The following ACACB variants were observed in gnomAD, a reference collection of about 807,000 sequenced individuals.
ACACB encodes the protein acetyl-CoA carboxylase beta.
ACACB carries 209 observed loss-of-function variants against 278.8 expected under a neutral mutation model. The observed-to-expected ratio is 0.75, with a 90% confidence interval of 0.67 to 0.84. ACACB has a LOEUF of 0.84. ACACB is among the 40% of genes least tolerant of loss of function. The pLI, the probability that ACACB is intolerant of heterozygous loss-of-function variation, is 0.00. For missense variants in ACACB, 2,850 were observed against 3,269.0 expected, an observed-to-expected ratio of 0.87 and a Z score of 3.13; for synonymous variants, 1,174 against 1,285.6, an observed-to-expected ratio of 0.91 and a Z score of 1.86.
intron 1 of ACACB, among the ~76,000 whole-genome samples, chr12:109,131,053 A>G (rs965101965): frequency 1.3e-5 from 2 of 152,208 alleles, no homozygotes; most frequent in African/African-American, 4.8e-5. Flanking sequence ...GGGCAATTGC[A>G]TGAGCAGTGA....
chr12:109,263,864 T>C (rs1282910444), intron 49 of ACACB: 4 of 170,740 alleles, frequency 2.3e-5, no homozygotes, highest in Admixed American at 6.1e-5. Context: ...CTAAAAATCA[T>C]TGATATAGTA....
At chr12:109,178,431 C>T (rs771758733) in intron 9 of ACACB, among the ~76,000 whole-genome samples, 17 of 152,144 alleles carry the variant, frequency 1.1e-4, no homozygotes, top group Admixed American at 7.2e-4. Flanking sequence ...GTTTTGGTCC[C>T]ATTTTCATTC....
At position 109,211,252 on chromosome 12, in the gene ACACB, A is replaced by G. The variant is rs571556732; in HGVS notation, c.3250-1584A>G. On this transcript the variant is annotated intron_variant, in intron 21 of 52. Transcript: ENST00000338432. Reference sequence around the variant, plus strand: ...GGAATGTTGTTCAGCCAAAGAAAGAAAGAATACTGATTCATGCTCCCACGT... The same window carrying G: ...GGAATGTTGTTCAGCCAAAGAAAGAGAGAATACTGATTCATGCTCCCACGT... Among the ~76,000 whole-genome samples, 16 of 152,214 alleles carry G rather than the reference A, an allele frequency of 1.1e-4. No homozygotes were observed. The South Asian group carries it at 3.3e-3, about 32-fold the overall frequency.
intron 1 of ACACB, among the ~76,000 whole-genome samples, chr12:109,129,488 C>T (rs1466335939): frequency 2.0e-5 from 3 of 152,182 alleles, no homozygotes; most frequent in African/African-American, 7.2e-5. Context: ...CCTTTCTTCC[C>T]TTCTTCAACC....
In ACACB at chr12:109,175,961, T is replaced by G; in HGVS notation, c.1247T>G (p.Leu416Arg). ...ACAGTGGAGTGGACAGAAGATGATC[T>G]GCAGCAGGGAAAAAGAATCAGTGTC... The part of the protein sequence containing the change: ...GLTVEWTEDD[L>R]QQGKRISVPE... Residue 416 changes from leucine (L) to arginine (R), a missense_variant, in exon 8 of 53, where the codon CTG (leucine) becomes CGG (arginine). Transcript: ENST00000338432. The G allele has an allele frequency of 6.2e-7, 1 of 1,614,148 alleles. No individual in the cohort carries two copies. The highest frequency in any genetic ancestry group is 8.5e-7 in the Non-Finnish European group (1 of 1,180,028).
intron 21 of ACACB, among the ~76,000 whole-genome samples, chr12:109,211,402 A>G (rs2045845317): frequency 1.6e-5 from 2 of 126,484 alleles, no homozygotes; most frequent in African/African-American, 6.2e-5. Context: ...GGTGTACACC[A>G]CCATTCCCAG....
In ACACB at chr12:109,241,294, C is replaced by T. The variant is rs192857945; in HGVS notation, c.5022+13C>T. The T allele has an allele frequency of 9.1e-5, 146 of 1,613,092 alleles. No homozygotes were observed. In the African/African-American group the frequency reaches 1.5e-3, roughly 16 times the overall value. On this transcript the variant is annotated intron_variant, in intron 36 of 52. Transcript: ENST00000338432. ...CAGATCTGGAAATGTAAGGCTGGCC[C>T]GCGCCGTGGGGGTCTAAGTCAAAGC... is the stretch of plus-strand genomic sequence containing the variant.
At chr12:109,242,406 C>G in intron 36 of ACACB, 31 bp from the exon 37 acceptor site, 5 of 1,605,704 alleles carry the variant, frequency 3.1e-6, no homozygotes, top group Non-Finnish European at 4.3e-6. Context: ...GATTCTCTCT[C>G]ACTCTCTGTT....
chr12:109,185,789 T>C (rs768868059), intron 12 of ACACB, 49 bp downstream of exon 12: 1 of 1,551,336 alleles, frequency 6.4e-7, no homozygotes, highest in Non-Finnish European at 8.7e-7. Context: ...TCTCCCAGCA[T>C]GTGGGGGACC....
intron 16 of ACACB, among the ~76,000 whole-genome samples, chr12:109,195,794 G>A (rs1436855731): frequency 6.6e-6 from 1 of 151,996 alleles, no homozygotes; most frequent in East Asian, 1.9e-4. Flanking sequence ...AATAGTGATG[G>A]GAACATTCCC....
At chr12:109,254,173 A>G in intron 43 of ACACB, 41 bp from the exon 44 acceptor site, 1 of 1,611,234 alleles carries the variant, frequency 6.2e-7, no homozygotes, top group Non-Finnish European at 8.5e-7. Flanking sequence ...ATTATTGACA[A>G]GCACCACAGA....
At chr12:109,213,518 G>A (rs988052068) in intron 22 of ACACB, among the ~76,000 whole-genome samples, 3 of 152,214 alleles carry the variant, frequency 2.0e-5, no homozygotes, top group African/African-American at 7.2e-5. Context: ...GAAAGTGGAT[G>A]AATAATTGTA....
chr12:109,137,167 T>G (rs900419057), intron 1 of ACACB, among the ~76,000 whole-genome samples: 5 of 152,136 alleles, frequency 3.3e-5, no homozygotes, highest in Non-Finnish European at 7.3e-5. Context: ...TTGACTGACT[T>G]TTCTTTAAAA....
At position 109,197,156 on chromosome 12, in the gene ACACB, G is replaced by A; in HGVS notation, c.2627+3G>A. The A allele has an allele frequency of 6.2e-7, 1 of 1,601,262 alleles. No individual in the cohort carries two copies. Among genetic ancestry groups the A allele is most frequent in the Non-Finnish European group, 8.5e-7 (1 of 1,174,650 alleles). ...TACATGAAGGAAGAGGTTGACAGGT[G>A]CGTGGGGGTGCGAGTCCCACTGTGG... On this transcript the variant is annotated splice_donor_region_variant and intron_variant, in intron 17 of 52. Transcript: ENST00000338432.
chr12:109,246,269 C>T lies in ACACB; in HGVS notation c.5392C>T (p.Arg1798Cys), dbSNP rs368377350. Residue 1798 changes from arginine (R) to cysteine (C), a missense_variant, in exon 39 of 53, where the codon CGC (arginine) becomes TGC (cysteine). Physicochemically the swap from Arg to Cys is radical, Grantham distance 180. Around this residue, in one of 3 missense-constraint regions of ACACB, gnomAD observed 2,265 missense variants for 2,561.3 expected, o/e 0.88. Transcript: ENST00000338432. ...CGTCATCGGCAATGACATCACCTTT[C>T]GCATTGGATCCTTTGGCCCTGGAGA... ...VIVIGNDITF[R>C]IGSFGPGEDL... 2.4e-5 allele frequency: 39 copies of T among 1,613,188 alleles called. No individual in the cohort carries two copies. Among genetic ancestry groups the T allele is most frequent in the South Asian group, 4.4e-5 (4 of 91,000 alleles).
chr12:109,182,381 T>C (rs1200537307), intron 11 of ACACB, among the ~76,000 whole-genome samples: 1 of 152,148 alleles, frequency 6.6e-6, no homozygotes, highest in East Asian at 1.9e-4. Flanking sequence ...TTCTTTTTTG[T>C]TTTTGAGCCA....
intron 52 of ACACB, among the ~76,000 whole-genome samples, chr12:109,266,015 C>G (rs2047508357): frequency 1.3e-5 from 2 of 152,216 alleles, no homozygotes; most frequent in South Asian, 4.1e-4. Context: ...CAGGTCATGT[C>G]ACAAAGCAGT....
rs201361144 is a variant in ACACB, at chr12:109,242,496, T to G, written c.5082T>G (p.Thr1694=). The part of the protein sequence containing the change: ...QGPQHGMLIN[T]PYVTKDLLQA... ...CCCAGCACGGGATGCTGATCAATAC[T>G]CCCTACGTCACCAAGGATCTGCTCC... is the stretch of plus-strand genomic sequence containing the variant. Residue 1694 remains threonine (T), a synonymous_variant, in exon 37 of 53, where the codon ACT becomes ACG. Transcript: ENST00000338432. 1.8e-5 allele frequency: 29 copies of G among 1,614,086 alleles called. No individual in the cohort carries two copies. The highest frequency in any genetic ancestry group is 2.2e-5 in the Non-Finnish European group (26 of 1,180,004).
At chr12:109,172,497 G>A in intron 6 of ACACB, 141 bp downstream of exon 6, 1 of 719,122 alleles carries the variant, frequency 1.4e-6, no homozygotes. Flanking sequence ...TGAGGAGTGA[G>A]TGAGTCCCAG....
Sources: gnomAD v4.1 joint callset for allele counts (sites outside exome capture counted in the v4.1 genomes callset) on GRCh38, gnomAD v4.1.1 for gene constraint, gnomAD v4.1.1 regional missense constraint, MANE v1.5 for transcripts, NCBI Gene and HGNC (gene_info 2026-07-23, HGNC 2026-07-21) for gene names.